TBCA: variants seen among roughly 807,000 people sequenced by gnomAD.
The protein encoded by TBCA is tubulin folding cofactor A, also known as tubulin-specific chaperone A.
A neutral mutation model predicts 15.8 loss-of-function variants in TBCA; 6 were observed. The observed-to-expected ratio is 0.38, with a 90% CI of 0.21 to 0.75. TBCA has a LOEUF of 0.75. TBCA is among the 30% of genes least tolerant of loss of function. The probability of loss-of-function intolerance (pLI) is 0.46; values close to 1 mark genes in which losing one functional copy is unlikely to be tolerated. For synonymous variants in TBCA, 32 were observed against 42.3 expected, an observed-to-expected ratio of 0.76 and a Z score of 0.94; for missense variants, 90 against 131.2, an observed-to-expected ratio of 0.69 and a Z score of 1.53.
chr5:77,762,466 A>T (rs457338), intron 1 of TBCA, among the ~76,000 whole-genome samples: 66,840 of 151,970 alleles, frequency 0.44, 14,876 homozygotes, highest in East Asian at 0.53. Flanking sequence ...TGAGGGGTAT[A>T]ATCTGCCAGG....
intron 1 of TBCA, among the ~76,000 whole-genome samples, chr5:77,755,577 A>C (rs1477041144): frequency 6.6e-6 from 1 of 152,116 alleles, no homozygotes; most frequent in Non-Finnish European, 1.5e-5. Flanking sequence ...CCATCTCAAA[A>C]AATAAATAAA....
chr5:77,744,335 G>A (rs1432315054), intron 1 of TBCA, among the ~76,000 whole-genome samples: 1 of 151,876 alleles, frequency 6.6e-6, no homozygotes, highest in Non-Finnish European at 1.5e-5. Context: ...AGACGTCAGG[G>A]ATGCTGCTAA....
At chr5:77,701,895 G>T (rs1010517111) in intron 2 of TBCA, among the ~76,000 whole-genome samples, 14 of 151,640 alleles carry the variant, frequency 9.2e-5, no homozygotes, top group East Asian at 7.8e-4. Flanking sequence ...CAGCAAGTTG[G>T]ATGGGACTGG....
chr5:77,693,461 G>T (rs1366049914), intron 2 of TBCA, 109 bp from the exon 3 acceptor site: 3 of 1,271,136 alleles, frequency 2.4e-6, no homozygotes, highest in Non-Finnish European at 3.3e-6. Flanking sequence ...AAAAGTTATG[G>T]TTATGTTAAA....
At chr5:77,733,990 A>T (rs1189730155) in intron 1 of TBCA, among the ~76,000 whole-genome samples, 1 of 152,226 alleles carries the variant, frequency 6.6e-6, no homozygotes, top group Admixed American at 6.5e-5. Flanking sequence ...GAATTATGCT[A>T]AATCTCCTCT....
chr5:77,728,747 G>C (rs1255680029), intron 1 of TBCA, among the ~76,000 whole-genome samples: 2 of 152,018 alleles, frequency 1.3e-5, no homozygotes, highest in East Asian at 3.9e-4. Context: ...AACACTCATG[G>C]AACTAAAGAC....
Position 77,776,276 on chromosome 5 carries a change from A to G in TBCA, c.-19T>C. ...CGGCCATGGTCCCTCGAGCGCCGCG[A>G]GAAGGAGGGGCGGAGAGCCGGGGTA... On this transcript the variant is annotated 5_prime_UTR_variant, in exon 1 of 4. Transcript: ENST00000380377. 1.3e-6 allele frequency: 2 copies of G among 1,573,002 alleles called. No individual in the cohort carries two copies. The highest frequency in any genetic ancestry group is 1.4e-5 in the African/African-American group (1 of 73,998).
intron 1 of TBCA, among the ~76,000 whole-genome samples, chr5:77,729,959 TCA>T (rs1291744654): frequency 6.6e-6 from 1 of 152,240 alleles, no homozygotes; most frequent in Non-Finnish European, 1.5e-5. Context: ...AATATTATTT[TCA>T]GTTGCTTGGA....
chr5:77,775,253 A>G (rs1286190649), intron 1 of TBCA, among the ~76,000 whole-genome samples: 8 of 152,238 alleles, frequency 5.3e-5, no homozygotes, highest in African/African-American at 1.9e-4. Flanking sequence ...ATAAGTGACT[A>G]TTCTTCTATC....
At chr5:77,693,185 T>G in intron 3 of TBCA, 81 bp downstream of exon 3, 1 of 1,563,084 alleles carries the variant, frequency 6.4e-7, no homozygotes, top group Non-Finnish European at 8.7e-7. Flanking sequence ...TAGTTCTCAG[T>G]GTTAAATATT....
rs368850803 is a variant in TBCA, at chr5:77,751,423, C to T, written c.53+24782G>A. ...CGAAATCCTGACCTCAGGCGATCCA[C>T]CTGCCTCGGGCTCCTAAAGTGCTGG... is the stretch of plus-strand genomic sequence containing the variant. On this transcript the variant is annotated intron_variant, in intron 1 of 3. Coordinates refer to ENST00000380377, the MANE Select transcript of TBCA (RefSeq NM_004607.3). Among the ~76,000 whole-genome samples the T allele has an allele frequency of 5.9e-5, 9 of 152,144 alleles. No homozygotes were observed. The East Asian group carries it at 1.5e-3, about 26-fold the overall frequency.
At chr5:77,700,170 A>G (rs1340170796) in intron 2 of TBCA, among the ~76,000 whole-genome samples, 1 of 152,044 alleles carries the variant, frequency 6.6e-6, no homozygotes, top group Non-Finnish European at 1.5e-5. Flanking sequence ...TCCTCACTGC[A>G]CTCCAGCCTG....
chr5:77,757,637 G>C (rs1052191552), intron 1 of TBCA, among the ~76,000 whole-genome samples: 1 of 152,176 alleles, frequency 6.6e-6, no homozygotes, highest in Non-Finnish European at 1.5e-5. Flanking sequence ...AGCCCAAGCT[G>C]GTACCAAGCA....
chr5:77,735,994 T>A (rs1400926516), intron 1 of TBCA, among the ~76,000 whole-genome samples: 2 of 152,166 alleles, frequency 1.3e-5, no homozygotes, highest in Non-Finnish European at 2.9e-5. Flanking sequence ...TATGTAGCAC[T>A]TAACTAGACA....
chr5:77,731,381 A>G (rs1746765455), intron 1 of TBCA, among the ~76,000 whole-genome samples: 1 of 152,318 alleles, frequency 6.6e-6, no homozygotes, highest in Non-Finnish European at 1.5e-5. Context: ...AGTTTCCTCA[A>G]CTGCAAAGCA....
chr5:77,771,266 A>G (rs549820486), intron 1 of TBCA, among the ~76,000 whole-genome samples: 2 of 151,990 alleles, frequency 1.3e-5, no homozygotes, highest in South Asian at 4.2e-4. Flanking sequence ...GTAAATATGT[A>G]TGTGTCAACT....
chr5:77,739,043 T>C (rs1746973664), intron 1 of TBCA, among the ~76,000 whole-genome samples: 2 of 152,220 alleles, frequency 1.3e-5, no homozygotes, highest in Admixed American at 6.5e-5. Flanking sequence ...TCACAGTGCA[T>C]CATAAGTAGT....
intron 1 of TBCA, among the ~76,000 whole-genome samples, chr5:77,765,454 C>A (rs1747749162): frequency 6.6e-6 from 1 of 152,112 alleles, no homozygotes; most frequent in African/African-American, 2.4e-5. Flanking sequence ...GAAAAGGGGG[C>A]ACTAACATTG....
intron 1 of TBCA, among the ~76,000 whole-genome samples, chr5:77,748,838 C>A (rs903152977): frequency 6.6e-6 from 1 of 152,110 alleles, no homozygotes; most frequent in Non-Finnish European, 1.5e-5. Flanking sequence ...ATGCTGTATT[C>A]TTACAATAAA....
Sources: gnomAD v4.1 joint callset for allele counts (sites outside exome capture counted in the v4.1 genomes callset) on GRCh38, gnomAD v4.1.1 for gene constraint, MANE v1.5 for transcripts, NCBI Gene and HGNC (gene_info 2026-07-23, HGNC 2026-07-21) for gene names.